PSD3: variants seen among roughly 807,000 people sequenced by gnomAD.
The protein encoded by PSD3 is PH and SEC7 domain-containing protein 3.
In PSD3, 49 loss-of-function variants were observed where a neutral mutation model predicts 105.5. The ratio of observed to expected loss-of-function variants is 0.46; its 90% CI spans 0.37 to 0.59. The LOEUF (loss-of-function observed/expected upper bound fraction) is 0.59. PSD3 is among the 20% of genes least tolerant of loss of function. The pLI is 0.00. For missense variants in PSD3, 1,561 were observed against 1,263.8 expected (o/e 1.24, Z -3.57); for synonymous variants, 557 against 457.8 (o/e 1.22, Z -2.77).
chr8:18,813,002 T>C (rs972577050), intron 4 of PSD3, among the ~76,000 whole-genome samples: 2 of 152,040 alleles, frequency 1.3e-5, no homozygotes, highest in African/African-American at 4.8e-5. Context: ...GACTCAAAAT[T>C]GAGACAGAAA....
chr8:18,827,738 G>C (rs898318657), intron 4 of PSD3, among the ~76,000 whole-genome samples: 5 of 151,864 alleles, frequency 3.3e-5, no homozygotes, highest in African/African-American at 4.8e-5. Flanking sequence ...AGGGTGGATG[G>C]AGCAGGATTG....
At chr8:18,748,025 G>T (rs1047592645) in intron 9 of PSD3, among the ~76,000 whole-genome samples, 1 of 152,060 alleles carries the variant, frequency 6.6e-6, no homozygotes, top group African/African-American at 2.4e-5. Flanking sequence ...AGTCACCAAA[G>T]GCAAGTGAAA....
chr8:18,986,116 T>A (rs998455344), intron 1 of PSD3, among the ~76,000 whole-genome samples: 3 of 152,138 alleles, frequency 2.0e-5, no homozygotes, highest in Non-Finnish European at 4.4e-5. Flanking sequence ...AAGGTCAAAA[T>A]GAATTTAGGA....
At chr8:18,963,852 A>T (rs942400365) in intron 1 of PSD3, among the ~76,000 whole-genome samples, 4 of 152,190 alleles carry the variant, frequency 2.6e-5, no homozygotes, top group East Asian at 1.9e-4. Flanking sequence ...TGCTTGCCCA[A>T]ACAGATCAGA....
chr8:18,700,031 T>C (rs939321525), intron 9 of PSD3, among the ~76,000 whole-genome samples: 2 of 152,228 alleles, frequency 1.3e-5, no homozygotes, highest in Non-Finnish European at 2.9e-5. Flanking sequence ...AAATTGGTAA[T>C]GTGAGGCTTC....
intron 9 of PSD3, among the ~76,000 whole-genome samples, chr8:18,747,187 C>T (rs1005158639): frequency 3.9e-5 from 6 of 152,178 alleles, no homozygotes; most frequent in African/African-American, 1.4e-4. Context: ...TGGAGCTTGG[C>T]CTTTTCATAA....
intron 2 of PSD3, among the ~76,000 whole-genome samples, chr8:18,875,547 T>C (rs958357546): frequency 1.3e-5 from 2 of 152,054 alleles, no homozygotes; most frequent in Non-Finnish European, 2.9e-5. Context: ...AGAACTTTTT[T>C]TTTTTTTGAG....
At chr8:19,050,721 G>C (rs1289985149) in intron 1 of PSD3, among the ~76,000 whole-genome samples, 1 of 152,102 alleles carries the variant, frequency 6.6e-6, no homozygotes, top group Non-Finnish European at 1.5e-5. Context: ...AGCATTAGGA[G>C]ATATACCTAA....
At chr8:18,935,712 C>T (rs986284863) in intron 2 of PSD3, among the ~76,000 whole-genome samples, 1 of 147,994 alleles carries the variant, frequency 6.8e-6, no homozygotes, top group African/African-American at 2.5e-5. Context: ...AAAAAAACCA[C>T]CAAAAATACA....
At chr8:18,942,163 T>C (rs1015989712) in intron 1 of PSD3, among the ~76,000 whole-genome samples, 1 of 152,196 alleles carries the variant, frequency 6.6e-6, no homozygotes, top group Non-Finnish European at 1.5e-5. Context: ...TGCTCCTTCA[T>C]TTCCTTAATT....
Position 18,829,232 on chromosome 8 carries a change from C to A in PSD3, c.1635-24334G>T, listed in dbSNP as rs570535659. ...AGCCTGGGTAACAGTGAGAGAGACC[C>A]TGTCTCCAAGAAAATTTTTTAAAAA... On this transcript the variant is annotated intron_variant, in intron 4 of 15. Transcript: ENST00000327040. Among the ~76,000 whole-genome samples, 5 of 152,104 alleles carry A rather than the reference C, an allele frequency of 3.3e-5. No individual in the cohort carries two copies. In the East Asian group the frequency reaches 9.7e-4, roughly 29 times the overall value.
intron 15 of PSD3, among the ~76,000 whole-genome samples, chr8:18,536,626 GC>G (rs1482431409): frequency 6.6e-6 from 1 of 152,158 alleles, no homozygotes; most frequent in Non-Finnish European, 1.5e-5. Context: ...ATTTTCTGAT[GC>G]TTTTCCAAAT....
chr8:18,913,028 C>A (rs576817724), intron 2 of PSD3, among the ~76,000 whole-genome samples: 1 of 146,980 alleles, frequency 6.8e-6, no homozygotes, highest in Non-Finnish European at 1.5e-5. Context: ...ATTGTGTGAT[C>A]ATTAAAAAAA....
intron 9 of PSD3, among the ~76,000 whole-genome samples, chr8:18,730,956 A>C (rs1803702950): frequency 1.3e-5 from 2 of 152,264 alleles, no homozygotes; most frequent in Non-Finnish European, 2.9e-5. Flanking sequence ...GTTTATTTTT[A>C]AATAAAACTT....
At chr8:19,037,828 T>G (rs1474804967) in intron 1 of PSD3, among the ~76,000 whole-genome samples, 2 of 151,980 alleles carry the variant, frequency 1.3e-5, no homozygotes, top group Non-Finnish European at 2.9e-5. Flanking sequence ...AGTTTGCAGA[T>G]AGTGGATCAT....
chr8:18,825,541 G>A (rs372623716), intron 4 of PSD3, among the ~76,000 whole-genome samples: 1 of 152,196 alleles, frequency 6.6e-6, no homozygotes, highest in African/African-American at 2.4e-5. Context: ...TTGAGGGGAA[G>A]AGAATCCTAT....
chr8:18,778,046 G>A (rs932246090), intron 8 of PSD3, among the ~76,000 whole-genome samples: 1 of 152,132 alleles, frequency 6.6e-6, no homozygotes. Context: ...TTCATAAGTT[G>A]ATGGACACAG....
chr8:18,680,472 G>A (rs978062846), intron 9 of PSD3, among the ~76,000 whole-genome samples: 2 of 152,152 alleles, frequency 1.3e-5, no homozygotes, highest in African/African-American at 4.8e-5. Context: ...AGCCTTGCTA[G>A]TAACTCTTCC....
intron 9 of PSD3, among the ~76,000 whole-genome samples, chr8:18,739,521 GA>G (rs1234583436): frequency 2.0e-5 from 3 of 152,108 alleles, no homozygotes; most frequent in Non-Finnish European, 2.9e-5. Context: ...TATGTACTTT[GA>G]AATCTATTTT....
Sources: gnomAD v4.1 joint callset for allele counts (sites outside exome capture counted in the v4.1 genomes callset) on GRCh38, gnomAD v4.1.1 for gene constraint, MANE v1.5 for transcripts, NCBI Gene and HGNC (gene_info 2026-07-23, HGNC 2026-07-21) for gene names.